Variants in DTNA observed in about 807,000 individuals in gnomAD.
DTNA encodes dystrobrevin alpha, also known as dystrophin-related protein 3.
DTNA carries 43 observed loss-of-function variants against 100.7 expected under a neutral mutation model. The ratio of observed to expected loss-of-function variants is 0.43; its 90% CI spans 0.33 to 0.55. The LOEUF (loss-of-function observed/expected upper bound fraction) is 0.55, where lower values mean the gene tolerates loss of function less well. DTNA is among the 20% of genes least tolerant of loss of function. The probability of loss-of-function intolerance (pLI) is 0.04; values close to 1 mark genes in which losing one functional copy is unlikely to be tolerated. For missense variants in DTNA, 798 were observed against 953.9 expected (o/e 0.84, Z 2.15); for synonymous variants, 349 against 347.9 (o/e 1.00, Z -0.04).
At chr18:34,829,595 G>A in intron 11 of DTNA, 106 bp downstream of exon 11, 1 of 1,183,536 alleles carries the variant, frequency 8.4e-7, no homozygotes. Context: ...CGTCTTATTG[G>A]AGATAGAGGT....
At chr18:34,768,543 G>A (rs746187784) in intron 3 of DTNA, among the ~76,000 whole-genome samples, 1 of 152,074 alleles carries the variant, frequency 6.6e-6, no homozygotes, top group Non-Finnish European at 1.5e-5. Flanking sequence ...TCTCATTCTT[G>A]GGCATTTCCT....
chr18:34,631,499 C>A (rs889596968), intron 1 of DTNA, among the ~76,000 whole-genome samples: 75 of 152,244 alleles, frequency 4.9e-4, no homozygotes, highest in Non-Finnish European at 2.9e-4. Context: ...TGAAAGAGAT[C>A]TACCTGAGAG....
At chr18:34,616,956 A>C (rs187460593) in intron 1 of DTNA, among the ~76,000 whole-genome samples, 5 of 152,040 alleles carry the variant, frequency 3.3e-5, no homozygotes, top group Non-Finnish European at 5.9e-5. Context: ...AATGCTACTG[A>C]TTTTTTTCAT....
At chr18:34,583,335 C>G (rs1381899709) in intron 1 of DTNA, among the ~76,000 whole-genome samples, 1 of 152,098 alleles carries the variant, frequency 6.6e-6, no homozygotes, top group East Asian at 1.9e-4. Context: ...CGTTGGCCCC[C>G]ACCCCCAAAC....
chr18:34,832,436 C>A (rs907554170), intron 11 of DTNA, among the ~76,000 whole-genome samples: 1 of 152,134 alleles, frequency 6.6e-6, no homozygotes, highest in Non-Finnish European at 1.5e-5. Flanking sequence ...CCACAGTCAC[C>A]TCTCTTGTTC....
intron 3 of DTNA, 63 bp from the exon 4 acceptor site, chr18:34,793,974 G>A (rs2094861734): frequency 6.5e-7 from 1 of 1,546,940 alleles, no homozygotes; most frequent in African/African-American, 1.4e-5. Context: ...AGAGGGTCAT[G>A]TAAACTGATG....
At chr18:34,522,789 G>A (rs191304214) in intron 1 of DTNA, among the ~76,000 whole-genome samples, 4 of 152,274 alleles carry the variant, frequency 2.6e-5, no homozygotes, top group South Asian at 2.1e-4. Context: ...AAGGCTGGCC[G>A]CTCTGCTGAA....
chr18:34,846,392 C>A (rs1379746921), intron 13 of DTNA, among the ~76,000 whole-genome samples: 1 of 152,040 alleles, frequency 6.6e-6, no homozygotes. Context: ...TTTTTGAGCA[C>A]CTCATGTGTT....
intron 1 of DTNA, among the ~76,000 whole-genome samples, chr18:34,687,080 T>C (rs1370692726): frequency 6.6e-6 from 1 of 152,210 alleles, no homozygotes; most frequent in Non-Finnish European, 1.5e-5. Flanking sequence ...TGTTAATCTT[T>C]TCAAAAAACC....
chr18:34,524,852 G>A (rs2042464982), intron 1 of DTNA, among the ~76,000 whole-genome samples: 2 of 152,050 alleles, frequency 1.3e-5, no homozygotes, highest in South Asian at 4.1e-4. Context: ...AACCGATAGA[G>A]GACTAAATTT....
At chr18:34,650,215 G>A (rs547302985) in intron 1 of DTNA, among the ~76,000 whole-genome samples, 116 of 152,218 alleles carry the variant, frequency 7.6e-4, no homozygotes, top group Middle Eastern at 3.4e-3. Flanking sequence ...CTTCCTGAAA[G>A]CCAAGTGTTT....
intron 1 of DTNA, among the ~76,000 whole-genome samples, chr18:34,728,393 A>T (rs2087247580): frequency 6.6e-6 from 1 of 152,140 alleles, no homozygotes; most frequent in Non-Finnish European, 1.5e-5. Flanking sequence ...CAACTAGTTT[A>T]AAAAATTTAA....
intron 17 of DTNA, 78 bp downstream of exon 17, chr18:34,864,140 G>T: frequency 1.5e-6 from 2 of 1,314,638 alleles, no homozygotes; most frequent in East Asian, 5.0e-5. Flanking sequence ...ATGTGCAATG[G>T]TTTTTCCAAT....
chr18:34,890,361 G>C lies in DTNA; in HGVS notation c.*2627G>C, dbSNP rs769729466. 4 of 1,536,116 alleles carry C rather than the reference G, an allele frequency of 2.6e-6. No individual in the cohort carries two copies. The South Asian group carries it at 4.8e-5, about 18-fold the overall frequency. Reference sequence around the variant, plus strand: ...TGTCCTGTAAGCGAGACAAAATGGCGTGTGTTATTTTGGGGTTTTGTGTTT... The same window carrying C: ...TGTCCTGTAAGCGAGACAAAATGGCCTGTGTTATTTTGGGGTTTTGTGTTT... On this transcript the variant is annotated 3_prime_UTR_variant, in exon 23 of 23. Coordinates refer to ENST00000444659, the MANE Select transcript of DTNA (RefSeq NM_001386795.1).
chr18:34,513,101 T>C (rs1004237691), intron 1 of DTNA, among the ~76,000 whole-genome samples: 1 of 152,094 alleles, frequency 6.6e-6, no homozygotes, highest in Non-Finnish European at 1.5e-5. Flanking sequence ...TTCAAAGACA[T>C]AGCTTTTAGA....
intron 1 of DTNA, among the ~76,000 whole-genome samples, chr18:34,613,901 A>G (rs1184292188): frequency 2.0e-5 from 3 of 152,222 alleles, no homozygotes; most frequent in South Asian, 2.1e-4. Flanking sequence ...CAGATTTTCA[A>G]TTTAGACAAA....
At chr18:34,558,578 A>G (rs956818832) in intron 1 of DTNA, among the ~76,000 whole-genome samples, 14 of 152,338 alleles carry the variant, frequency 9.2e-5, no homozygotes, top group African/African-American at 2.9e-4. Flanking sequence ...AATGCATAAT[A>G]TATTATGTGA....
chr18:34,804,452 G>C (rs2149224289), intron 4 of DTNA, among the ~76,000 whole-genome samples: 1 of 152,296 alleles, frequency 6.6e-6, no homozygotes, highest in African/African-American at 2.4e-5. Context: ...GCTGATGGAA[G>C]CAGTGACAGT....
At chr18:34,797,513 T>TC in intron 4 of DTNA, among the ~76,000 whole-genome samples, 1 of 152,058 alleles carries the variant, frequency 6.6e-6, no homozygotes, top group East Asian at 1.9e-4. Flanking sequence ...TCCTCCAGAA[T>TC]CCCCCCAGCA....
Sources: allele counts gnomAD v4.1 joint callset (sites outside exome capture counted in the v4.1 genomes callset), GRCh38; gene constraint gnomAD v4.1.1; transcripts MANE v1.5; gene names NCBI Gene and HGNC (gene_info 2026-07-23, HGNC 2026-07-21).